Variants in POU2F1 observed in about 807,000 individuals in gnomAD.
POU2F1 encodes POU class 2 homeobox 1.
In POU2F1, 16 loss-of-function variants were observed where a neutral mutation model predicts 84.9. The ratio of observed to expected loss-of-function variants is 0.19; its 90% CI spans 0.13 to 0.29. The LOEUF (loss-of-function observed/expected upper bound fraction) is 0.29. Ranked by LOEUF, POU2F1 falls within the 10% of genes least tolerant of loss-of-function variation. POU2F1 has a pLI of 1.00. For missense variants in POU2F1, 738 were observed against 942.6 expected, an observed-to-expected ratio of 0.78 and a Z score of 2.84; for synonymous variants, 368 against 368.3, an observed-to-expected ratio of 1.00 and a Z score of 0.01.
intron 2 of POU2F1, among the ~76,000 whole-genome samples, chr1:167,338,920 T>C (rs12759914): frequency 6.6e-6 from 1 of 152,166 alleles, no homozygotes; most frequent in African/African-American, 2.4e-5. Flanking sequence ...AATTCTTTGG[T>C]TTATATACCT....
chr1:167,335,040 A>G (rs1200825918), intron 2 of POU2F1, among the ~76,000 whole-genome samples: 1 of 152,220 alleles, frequency 6.6e-6, no homozygotes, highest in Non-Finnish European at 1.5e-5. Flanking sequence ...CGTTAATTCT[A>G]TACCTTCTGT....
chr1:167,414,772 A>AAT, intron 15 of POU2F1: 4 of 944,866 alleles, frequency 4.2e-6, no homozygotes, highest in Non-Finnish European at 5.0e-6. Context: ...TCAAGTATTT[A>AAT]GCCTCAGGAA....
chr1:167,258,703 C>T (rs1453194400), intron 1 of POU2F1, among the ~76,000 whole-genome samples: 2 of 152,120 alleles, frequency 1.3e-5, no homozygotes, highest in Non-Finnish European at 2.9e-5. Context: ...TATGTAGATA[C>T]TTATATAACA....
chr1:167,363,422 A>T (rs1028264510), intron 2 of POU2F1, among the ~76,000 whole-genome samples: 1 of 152,200 alleles, frequency 6.6e-6, no homozygotes, highest in East Asian at 1.9e-4. Flanking sequence ...AAAATAATAT[A>T]ATGCTGTACT....
intron 1 of POU2F1, among the ~76,000 whole-genome samples, chr1:167,310,035 A>G (rs1037635015): frequency 1.1e-4 from 16 of 152,178 alleles, no homozygotes; most frequent in African/African-American, 3.9e-4. Flanking sequence ...ATGAATTCCA[A>G]AAAAATCAAG....
At chr1:167,341,820 G>A (rs1657880025) in intron 2 of POU2F1, among the ~76,000 whole-genome samples, 1 of 152,186 alleles carries the variant, frequency 6.6e-6, no homozygotes, top group Non-Finnish European at 1.5e-5. Context: ...GGACTTGAAG[G>A]ATGAATTCAG....
rs1329772124 is a variant in POU2F1 at position 167,389,448 on chromosome 1, A to G, written c.814-140A>G. 5.0e-6 allele frequency: 4 copies of G among 805,328 alleles called. No individual in the cohort carries two copies. In the East Asian group the frequency reaches 8.1e-5, roughly 16 times the overall value. 49.9% of individuals were successfully genotyped at this position (805,328 alleles called of 1,614,324 possible). On this transcript the variant is annotated intron_variant, in intron 8 of 15. Coordinates refer to ENST00000367866, the MANE Select transcript of POU2F1 (RefSeq NM_002697.4). ...TCACTGTCTGCTTTGCTCACTGAAC[A>G]TTATGTTGTACATTCTGTAGTGTTA...
rs769556549 is a variant in POU2F1 at position 167,414,162 on chromosome 1, T to C, written c.1990+1048T>C. Among the ~76,000 whole-genome samples the C allele has an allele frequency of 2.6e-5, 4 of 152,304 alleles. No individual in the cohort carries two copies. In the South Asian group the frequency reaches 8.3e-4, roughly 32 times the overall value. ...AAACCATGGCCTAGATTACCTTACATTATATTGACTTTCTGATTGACTAAA... is the reference window on the plus strand; with the variant it reads ...AAACCATGGCCTAGATTACCTTACACTATATTGACTTTCTGATTGACTAAA... On this transcript the variant is annotated intron_variant, in intron 15 of 15. Transcript: ENST00000367866.
chr1:167,399,968 C>CTTTT (rs67562017), intron 12 of POU2F1, among the ~76,000 whole-genome samples: 11 of 61,428 alleles, frequency 1.8e-4, no homozygotes, highest in South Asian at 8.7e-4. Flanking sequence ...CATTCCCAGT[C>CTTTT]TTTTTTTTTT....
chr1:167,354,013 T>C (rs1658769274), intron 2 of POU2F1, among the ~76,000 whole-genome samples: 1 of 152,246 alleles, frequency 6.6e-6, no homozygotes, highest in African/African-American at 2.4e-5. Context: ...ATAATGAAAT[T>C]GAATTATACT....
rs111276794 is a variant in POU2F1 at position 167,364,585 on chromosome 1, T to C, written c.128-882T>C. 3.8e-3 allele frequency among the ~76,000 whole-genome samples: 565 copies of C among 149,016 alleles called. 2 individuals are homozygous for C. The highest frequency in any genetic ancestry group is 6.4e-3 in the Non-Finnish European group (428 of 67,266). ...TTTTTTTTTCTTTCTTTCTTTCTTTTTTTTTTTTTTGAGACAAGTTTTAGC... is the reference window on the plus strand; with the variant it reads ...TTTTTTTTTCTTTCTTTCTTTCTTTCTTTTTTTTTTGAGACAAGTTTTAGC... On this transcript the variant is annotated intron_variant, in intron 2 of 15. Coordinates refer to ENST00000367866, the MANE Select transcript of POU2F1 (RefSeq NM_002697.4).
intron 2 of POU2F1, among the ~76,000 whole-genome samples, chr1:167,346,698 G>A (rs1037832723): frequency 3.9e-5 from 6 of 152,128 alleles, no homozygotes; most frequent in South Asian, 4.1e-4. Context: ...AGGCAATAAC[G>A]CTATCTTGCC....
intron 2 of POU2F1, among the ~76,000 whole-genome samples, chr1:167,356,163 C>CTTTTCTT (rs1350081640): frequency 7.7e-6 from 1 of 129,854 alleles, no homozygotes; most frequent in African/African-American, 2.8e-5. Context: ...TTTTCTTTTT[C>CTTTTCTT]TTTTTTTTTT....
In POU2F1 at chr1:167,270,837, C is replaced by T. The variant is rs554908510; in HGVS notation, c.61+49879C>T. Among the ~76,000 whole-genome samples the T allele has an allele frequency of 6.4e-4, 97 of 152,078 alleles. 1 individual carries two copies. Among genetic ancestry groups the T allele is most frequent in the Non-Finnish European group, 1.1e-3 (77 of 68,014 alleles). ...AAATTTCATTCTCTGTTGAATGCTC[C>T]GTCTCCTGCCCAGCACATTTCTGCC... On this transcript the variant is annotated intron_variant, in intron 1 of 15. Transcript: ENST00000367866.
intron 1 of POU2F1, among the ~76,000 whole-genome samples, chr1:167,309,203 GTAC>G (rs1557884056): frequency 6.6e-6 from 1 of 151,778 alleles, no homozygotes; most frequent in South Asian, 2.1e-4. Flanking sequence ...TGCTGTAGGG[GTAC>G]TATTGCCCCC....
In POU2F1 at chr1:167,340,670, G is replaced by A. The variant is rs191830521; in HGVS notation, c.127+8135G>A. ...TGATCTTGAACTCCTGGCATCAAGC[G>A]ATCCACCTGCCTCAGCCTCCTGCTG... On this transcript the variant is annotated intron_variant, in intron 2 of 15. Transcript: ENST00000367866. 1.9e-3 allele frequency among the ~76,000 whole-genome samples: 295 copies of A among 151,608 alleles called. 1 individual carries two copies. Among genetic ancestry groups the A allele is most frequent in the African/African-American group, 6.8e-3 (283 of 41,380 alleles).
At chr1:167,354,312 GAC>G (rs1658791858) in intron 2 of POU2F1, among the ~76,000 whole-genome samples, 1 of 151,278 alleles carries the variant, frequency 6.6e-6, no homozygotes, top group Non-Finnish European at 1.5e-5. Flanking sequence ...TTTATTTTTT[GAC>G]AGAGTCTCAC....
chr1:167,308,666 T>C (rs1179453468), intron 1 of POU2F1, among the ~76,000 whole-genome samples: 1 of 152,032 alleles, frequency 6.6e-6, no homozygotes, highest in African/African-American at 2.4e-5. Flanking sequence ...GCTGGCACTA[T>C]AGGTGCATGC....
chr1:167,225,269 A>G (rs1156325590), intron 1 of POU2F1, among the ~76,000 whole-genome samples: 1 of 152,204 alleles, frequency 6.6e-6, no homozygotes, highest in Admixed American at 6.5e-5. Context: ...CGTAAAAGCA[A>G]TTTTTAACCT....
Sources: allele counts gnomAD v4.1 joint callset (sites outside exome capture counted in the v4.1 genomes callset), GRCh38; gene constraint gnomAD v4.1.1; transcripts MANE v1.5; gene names NCBI Gene and HGNC (gene_info 2026-07-23, HGNC 2026-07-21).